EFR3A: variants seen among roughly 807,000 people sequenced by gnomAD.
EFR3A encodes protein EFR3 homolog A.
A neutral mutation model predicts 104.4 loss-of-function variants in EFR3A; 76 were observed. That is an observed-to-expected ratio of 0.73 (90% CI 0.60 to 0.88). The LOEUF (loss-of-function observed/expected upper bound fraction) is 0.88, where lower values mean the gene tolerates loss of function less well. Ranked by LOEUF, EFR3A falls within the 40% of genes least tolerant of loss-of-function variation. The pLI is 0.00. For missense variants in EFR3A, 985 were observed against 1,012.5 expected (o/e 0.97, Z 0.37); for synonymous variants, 330 against 330.0 (o/e 1.00, Z 0.00).
intron 14 of EFR3A, among the ~76,000 whole-genome samples, chr8:131,981,212 T>TC (rs1820596764): frequency 6.6e-6 from 1 of 152,034 alleles, no homozygotes; most frequent in Non-Finnish European, 1.5e-5. Context: ...TCATGAACAT[T>TC]GAGACTGGAT....
intron 10 of EFR3A, among the ~76,000 whole-genome samples, chr8:131,971,252 CAT>C (rs1820036666): frequency 6.6e-6 from 1 of 152,140 alleles, no homozygotes; most frequent in South Asian, 2.1e-4. Flanking sequence ...AGTCTAGGAT[CAT>C]ATATTGCATT....
chr8:131,994,603 G>T (rs536124930), intron 18 of EFR3A, among the ~76,000 whole-genome samples: 1 of 152,292 alleles, frequency 6.6e-6, no homozygotes, highest in Admixed American at 6.5e-5. Context: ...TGGTAGTATA[G>T]AAGGGAGAAA....
chr8:131,906,925 A>G (rs1416488745), intron 1 of EFR3A, among the ~76,000 whole-genome samples: 5 of 152,322 alleles, frequency 3.3e-5, no homozygotes, highest in Middle Eastern at 6.8e-3. Flanking sequence ...AAAGATTTTC[A>G]AACTCTGAAT....
rs961626948 is a variant in EFR3A at position 132,012,368 on chromosome 8, C to T, written c.*1473C>T. The T allele has an allele frequency of 2.0e-5, 3 of 152,076 alleles. No homozygotes were observed. The highest frequency in any genetic ancestry group is 7.2e-5 in the African/African-American group (3 of 41,398). The allele number at this position is 152,076 out of a possible 1,614,324, so 9.4% of individuals were successfully genotyped here. A position where few individuals can be genotyped will look rare whatever the true frequency, so the allele number is the denominator to read the frequency against. On this transcript the variant is annotated 3_prime_UTR_variant, in exon 23 of 23. Coordinates refer to ENST00000254624, the MANE Select transcript of EFR3A (RefSeq NM_015137.6). ...AAATTTCTGAATACTTAAACAAAAG[C>T]GCAACATCTTGAAAACCAGTCTAGT...
intron 18 of EFR3A, among the ~76,000 whole-genome samples, chr8:131,989,191 T>G (rs1175281056): frequency 6.6e-6 from 1 of 152,180 alleles, no homozygotes; most frequent in Non-Finnish European, 1.5e-5. Context: ...GTATCCTACC[T>G]TAATGCAGAA....
chr8:131,984,756 C>G (rs1196817231), intron 15 of EFR3A, among the ~76,000 whole-genome samples, 173 bp from the exon 16 acceptor site: 2 of 151,832 alleles, frequency 1.3e-5, no homozygotes, highest in Non-Finnish European at 2.9e-5. Flanking sequence ...AAAATTAACT[C>G]TCTTGTAAAA....
intron 1 of EFR3A, among the ~76,000 whole-genome samples, chr8:131,920,767 C>T (rs374783762): frequency 4.6e-5 from 7 of 151,678 alleles, no homozygotes; most frequent in Admixed American, 2.6e-4. Flanking sequence ...AGGCCCTTAA[C>T]GAGATCCATG....
intron 4 of EFR3A, among the ~76,000 whole-genome samples, chr8:131,949,149 A>G (rs1417135411): frequency 6.6e-6 from 1 of 152,106 alleles, no homozygotes; most frequent in African/African-American, 2.4e-5. Context: ...TTTGTTATAA[A>G]TAATACATAA....
intron 1 of EFR3A, among the ~76,000 whole-genome samples, chr8:131,905,053 C>T (rs1816179052): frequency 6.6e-6 from 1 of 152,212 alleles, no homozygotes; most frequent in South Asian, 2.1e-4. Context: ...AGACGCGATA[C>T]TACAAGTACT....
In EFR3A at chr8:131,955,875, A is replaced by C. The variant is rs777772443; in HGVS notation, c.746A>C (p.Asn249Thr). 5 of 1,613,292 alleles carry C rather than the reference A, an allele frequency of 3.1e-6. No individual in the cohort carries two copies. Among genetic ancestry groups the C allele is most frequent in the Non-Finnish European group, 4.2e-6 (5 of 1,179,514 alleles). ...CTGCTGGGTCGAGCAACTTTTGGGA[A>C]TATGAATAATGCTGTTAGACCAGTT... ...RELLGRATFG[N>T]MNNAVRPVFA... The change falls in exon 7 of 23, where the codon AAT becomes ACT. Residue 249 changes from asparagine to threonine, a missense_variant. Coordinates refer to ENST00000254624, the MANE Select transcript of EFR3A (RefSeq NM_015137.6).
chr8:131,964,495 C>T lies in EFR3A; in HGVS notation c.856-3800C>T, dbSNP rs555567336. Among the ~76,000 whole-genome samples, 177 of 151,990 alleles carry T rather than the reference C, an allele frequency of 1.2e-3. 1 individual carries two copies. The highest frequency in any genetic ancestry group is 4.1e-3 in the African/African-American group (168 of 41,454). On this transcript the variant is annotated intron_variant, in intron 8 of 22. Transcript: ENST00000254624. ...CAATTGCTTCAAAGAGAATAAAATA[C>T]CTAGGAATCCAACTTACAGGGGATG...
intron 22 of EFR3A, among the ~76,000 whole-genome samples, chr8:132,008,321 A>G (rs1216505998): frequency 2.6e-5 from 4 of 152,100 alleles, no homozygotes; most frequent in South Asian, 4.1e-4. Context: ...TTCGTTAACA[A>G]GGAAATGCAA....
chr8:131,965,713 A>G (rs1283760065), intron 8 of EFR3A, among the ~76,000 whole-genome samples: 1 of 152,024 alleles, frequency 6.6e-6, no homozygotes, highest in Non-Finnish European at 1.5e-5. Flanking sequence ...ATTACTGGGT[A>G]TATACCCAAA....
chr8:132,005,736 A>G (rs1206845149), intron 22 of EFR3A, among the ~76,000 whole-genome samples: 1 of 152,184 alleles, frequency 6.6e-6, no homozygotes, highest in African/African-American at 2.4e-5. Flanking sequence ...AAATGCAGAA[A>G]GGATATAAGA....
chr8:131,964,664 C>G (rs1005363984), intron 8 of EFR3A, among the ~76,000 whole-genome samples: 2 of 152,110 alleles, frequency 1.3e-5, no homozygotes, highest in Non-Finnish European at 2.9e-5. Flanking sequence ...TTTATAGATT[C>G]AATGCCATCC....
At chr8:131,916,666 G>A (rs966233562) in intron 1 of EFR3A, among the ~76,000 whole-genome samples, 2 of 152,152 alleles carry the variant, frequency 1.3e-5, no homozygotes, top group African/African-American at 4.8e-5. Flanking sequence ...AGAGGGAGCA[G>A]GTGGGTCATT....
chr8:131,917,905 A>G (rs901140605), intron 1 of EFR3A, among the ~76,000 whole-genome samples: 3 of 152,206 alleles, frequency 2.0e-5, no homozygotes, highest in Non-Finnish European at 2.9e-5. Flanking sequence ...AATATTGATT[A>G]GAAAAGATTT....
At chr8:131,972,095 A>G (rs1483712983) in intron 10 of EFR3A, among the ~76,000 whole-genome samples, 7 of 152,098 alleles carry the variant, frequency 4.6e-5, no homozygotes, top group African/African-American at 9.6e-5. Flanking sequence ...CTACCTTTCT[A>G]TGTATGTAGG....
chr8:131,931,905 A>G (rs752975245), intron 1 of EFR3A, among the ~76,000 whole-genome samples: 5 of 151,998 alleles, frequency 3.3e-5, no homozygotes, highest in Non-Finnish European at 4.4e-5. Context: ...ATGTTCCAAT[A>G]CGCAGGAGAA....
Sources: gnomAD v4.1 joint callset for allele counts (sites outside exome capture counted in the v4.1 genomes callset) on GRCh38, gnomAD v4.1.1 for gene constraint, MANE v1.5 for transcripts, NCBI Gene and HGNC (gene_info 2026-07-23, HGNC 2026-07-21) for gene names.